Variants in MSH3 observed in about 807,000 individuals in gnomAD.
MSH3 encodes DNA mismatch repair protein Msh3.
In MSH3, 106 loss-of-function variants were observed where a neutral mutation model predicts 123.3. That is an observed-to-expected ratio of 0.86 (90% confidence interval 0.73 to 1.01). MSH3 has a LOEUF of 1.01. MSH3 is among the 50% of genes least tolerant of loss of function. The pLI is 0.00. For missense variants in MSH3, 1,459 were observed against 1,347.6 expected, an observed-to-expected ratio of 1.08 and a Z score of -1.29; for synonymous variants, 515 against 481.4, an observed-to-expected ratio of 1.07 and a Z score of -0.91.
At chr5:80,746,544 G>T in intron 12 of MSH3, 1 of 438,364 alleles carries the variant, frequency 2.3e-6, no homozygotes, top group Admixed American at 2.6e-5. Context: ...TTCCTTGATC[G>T]ACTTTCAGGA....
At chr5:80,824,861 A>G (rs754639341) in intron 20 of MSH3, among the ~76,000 whole-genome samples, 1 of 152,110 alleles carries the variant, frequency 6.6e-6, no homozygotes, top group Non-Finnish European at 1.5e-5. Flanking sequence ...GTGTATCTGG[A>G]GTACAGATAC....
Position 80,813,690 on chromosome 5 carries a change from A to G in MSH3, c.2762A>G (p.Tyr921Cys), listed in dbSNP as rs190723980. 2.6e-5 allele frequency: 42 copies of G among 1,614,178 alleles called. No individual in the cohort carries two copies. Among genetic ancestry groups the G allele is most frequent in the Admixed American group, 1.0e-4 (6 of 60,022 alleles). ...LITIMAQIGS[Y>C]VPAEEATIGI... The stretch of plus-strand genomic sequence containing the variant: ...ACCATCATGGCTCAGATTGGCTCCT[A>G]TGTTCCTGCAGAAGAAGCGACAATT... Residue 921 changes from tyrosine to cysteine, a missense_variant, in exon 20 of 24, where the codon TAT becomes TGT. Transcript: ENST00000265081.
At chr5:80,868,089 A>G (rs1382766463) in intron 22 of MSH3, among the ~76,000 whole-genome samples, 3 of 152,174 alleles carry the variant, frequency 2.0e-5, no homozygotes, top group Non-Finnish European at 4.4e-5. Context: ...CACACCAGTC[A>G]GAATAGGTAT....
chr5:80,768,586 C>G (rs1159843406), intron 14 of MSH3, among the ~76,000 whole-genome samples: 1 of 152,050 alleles, frequency 6.6e-6, no homozygotes, highest in African/African-American at 2.4e-5. Flanking sequence ...TCTGCATAGG[C>G]AAACAACAAA....
chr5:80,805,295 C>T (rs933534831), intron 19 of MSH3, among the ~76,000 whole-genome samples: 8 of 152,144 alleles, frequency 5.3e-5, no homozygotes, highest in Admixed American at 1.3e-4. Context: ...GGGAAACAAA[C>T]ATAGTGATCA....
At chr5:80,780,454 A>G (rs917825981) in intron 17 of MSH3, among the ~76,000 whole-genome samples, 3 of 152,228 alleles carry the variant, frequency 2.0e-5, no homozygotes, top group African/African-American at 7.2e-5. Context: ...TCCAAGGGTA[A>G]GGGTTGGAGC....
At chr5:80,728,130 T>C (rs1317233461) in intron 9 of MSH3, among the ~76,000 whole-genome samples, 1 of 152,182 alleles carries the variant, frequency 6.6e-6, no homozygotes, top group African/African-American at 2.4e-5. Flanking sequence ...GGCTTTGACC[T>C]CTACTCTTAA....
chr5:80,829,124 A>G (rs1017157879), intron 20 of MSH3, among the ~76,000 whole-genome samples: 5 of 152,210 alleles, frequency 3.3e-5, no homozygotes, highest in African/African-American at 9.6e-5. Flanking sequence ...TCATCACCCA[A>G]TCACCTCTTA....
intron 12 of MSH3, among the ~76,000 whole-genome samples, chr5:80,755,656 C>T (rs2112876097): frequency 6.6e-6 from 1 of 152,180 alleles, no homozygotes; most frequent in Non-Finnish European, 1.5e-5. Context: ...ACTGAGGGAA[C>T]AGATGGAAAA....
intron 20 of MSH3, among the ~76,000 whole-genome samples, chr5:80,822,607 G>C (rs1745220684): frequency 6.6e-6 from 1 of 152,208 alleles, no homozygotes; most frequent in African/African-American, 2.4e-5. Context: ...GTTTTGAAAG[G>C]ATGTGAAATC....
chr5:80,776,224 A>G (rs978300282), intron 16 of MSH3, among the ~76,000 whole-genome samples: 3 of 152,166 alleles, frequency 2.0e-5, no homozygotes, highest in Non-Finnish European at 4.4e-5. Context: ...GGAGATCATT[A>G]CTTTTAACTC....
At chr5:80,655,462 CTT>C (rs1435369427) in intron 1 of MSH3, 1 of 211,232 alleles carries the variant, frequency 4.7e-6, no homozygotes, top group Admixed American at 5.9e-5. Context: ...CCAGTGAACT[CTT>C]TTTGTAGTTT....
At chr5:80,778,972 T>C in intron 17 of MSH3, 136 bp downstream of exon 17, 1 of 579,550 alleles carries the variant, frequency 1.7e-6, no homozygotes, top group East Asian at 2.9e-5. Flanking sequence ...TGTTCTCTGA[T>C]TTTATTTCTT....
At chr5:80,806,513 A>G (rs1168655508) in intron 19 of MSH3, among the ~76,000 whole-genome samples, 2 of 152,204 alleles carry the variant, frequency 1.3e-5, no homozygotes, top group African/African-American at 4.8e-5. Context: ...AGTTTATGGA[A>G]TTATTTATCA....
chr5:80,787,455 G>C (rs1744528514), intron 17 of MSH3, 110 bp from the exon 18 acceptor site: 1 of 781,242 alleles, frequency 1.3e-6, no homozygotes, highest in African/African-American at 1.7e-5. Flanking sequence ...AATGCCTGCT[G>C]ATCATCTGTA....
chr5:80,654,663 A>G lies in MSH3; in HGVS notation c.-65A>G, dbSNP rs765469987. ...GTGCTCGCGCCCGCAGACGCCTGGG[A>G]ACTGCGGCCGCGGGCTCGCGCTCCT... On this transcript the variant is annotated 5_prime_UTR_variant, in exon 1 of 24. Transcript: ENST00000265081. The G allele has an allele frequency of 2.7e-6, 4 of 1,455,064 alleles. 1 individual carries two copies. In the South Asian group the frequency reaches 3.6e-5, roughly 13 times the overall value. 90.1% of individuals were successfully genotyped at this position (1,455,064 alleles called of 1,614,324 possible).
intron 8 of MSH3, among the ~76,000 whole-genome samples, chr5:80,695,421 G>A (rs566029153): frequency 2.1e-4 from 32 of 151,872 alleles, no homozygotes; most frequent in African/African-American, 6.8e-4. Context: ...TGCAACCTCC[G>A]CCCCCCGGGT....
intron 10 of MSH3, among the ~76,000 whole-genome samples, chr5:80,729,991 G>T (rs567471634): frequency 6.6e-6 from 1 of 152,262 alleles, no homozygotes; most frequent in Non-Finnish European, 1.5e-5. Context: ...CTGGTTCAAG[G>T]TTGCTGGAGA....
intron 20 of MSH3, among the ~76,000 whole-genome samples, chr5:80,827,998 C>A (rs760064032): frequency 6.6e-6 from 1 of 152,134 alleles, no homozygotes; most frequent in Non-Finnish European, 1.5e-5. Flanking sequence ...CACAGCCTCC[C>A]CCATTTTCAG....
Sources: gnomAD v4.1 joint callset for allele counts (sites outside exome capture counted in the v4.1 genomes callset) on GRCh38, gnomAD v4.1.1 for gene constraint, MANE v1.5 for transcripts, NCBI Gene and HGNC (gene_info 2026-07-23, HGNC 2026-07-21) for gene names.